Variants in NRXN1 observed in about 807,000 individuals in gnomAD.
The protein encoded by NRXN1 is neurexin-1.
In NRXN1, 39 loss-of-function variants were observed where a neutral mutation model predicts 150.9. That is an observed-to-expected ratio of 0.26 (90% CI 0.20 to 0.34). The LOEUF (loss-of-function observed/expected upper bound fraction) is 0.34, where lower values mean the gene tolerates loss of function less well. Ranked by LOEUF, NRXN1 falls within the 10% of genes least tolerant of loss-of-function variation. NRXN1 has a pLI of 1.00. For synonymous variants in NRXN1, 924 were observed against 757.0 expected (o/e 1.22, Z -3.62); for missense variants, 1,815 against 1,949.9 (o/e 0.93, Z 1.30).
intron 8 of NRXN1, among the ~76,000 whole-genome samples, chr2:50,570,975 T>C (rs934835275): frequency 6.6e-6 from 1 of 152,162 alleles, no homozygotes; most frequent in Non-Finnish European, 1.5e-5. Context: ...ACTCAGTTAC[T>C]AGATTCAGCT....
intron 18 of NRXN1, among the ~76,000 whole-genome samples, chr2:50,217,366 TG>T (rs1352776496): frequency 6.6e-6 from 1 of 152,074 alleles, no homozygotes; most frequent in Non-Finnish European, 1.5e-5. Context: ...ATATAAAGCA[TG>T]ACCCCATATA....
intron 2 of NRXN1, among the ~76,000 whole-genome samples, chr2:50,974,478 T>C (rs1438228214): frequency 6.6e-6 from 1 of 152,100 alleles, no homozygotes; most frequent in Non-Finnish European, 1.5e-5. Context: ...AAAACACAGA[T>C]ATACTTGAGG....
chr2:50,934,926 T>C (rs957723428), intron 2 of NRXN1, among the ~76,000 whole-genome samples: 1 of 152,180 alleles, frequency 6.6e-6, no homozygotes. Flanking sequence ...CATAAGTCTT[T>C]TCCTTTAGAC....
At chr2:50,953,087 T>C (rs116140871) in intron 2 of NRXN1, among the ~76,000 whole-genome samples, 7,905 of 152,242 alleles carry the variant, frequency 0.052, 278 homozygotes, top group Admixed American at 0.076. Context: ...ATGGGAGATT[T>C]AAGAAGTAGA....
intron 5 of NRXN1, among the ~76,000 whole-genome samples, chr2:50,868,548 A>G (rs1470485979): frequency 6.6e-6 from 1 of 151,722 alleles, no homozygotes. Flanking sequence ...TGTTCCTTAA[A>G]TTGATACAAA....
intron 2 of NRXN1, among the ~76,000 whole-genome samples, chr2:51,000,362 C>G (rs887587117): frequency 6.6e-6 from 1 of 151,996 alleles, no homozygotes; most frequent in Non-Finnish European, 1.5e-5. Context: ...CTATTGATTT[C>G]TTTATTATCT....
chr2:50,400,020 C>T (rs769859659), intron 17 of NRXN1, among the ~76,000 whole-genome samples: 4 of 151,680 alleles, frequency 2.6e-5, no homozygotes, highest in Non-Finnish European at 4.4e-5. Context: ...GTCAGGTAGA[C>T]GAGTACAATT....
At chr2:50,625,626 G>C (rs1680882861) in intron 5 of NRXN1, among the ~76,000 whole-genome samples, 1 of 151,964 alleles carries the variant, frequency 6.6e-6, no homozygotes, top group Non-Finnish European at 1.5e-5. Flanking sequence ...TTCAATATTG[G>C]GCACAAGTAC....
At chr2:50,630,855 C>CA (rs1326749404) in intron 5 of NRXN1, among the ~76,000 whole-genome samples, 1 of 151,550 alleles carries the variant, frequency 6.6e-6, no homozygotes, top group Non-Finnish European at 1.5e-5. Flanking sequence ...AATATTGTGC[C>CA]AAAAACATCC....
intron 17 of NRXN1, among the ~76,000 whole-genome samples, chr2:50,445,662 C>A (rs531570135): frequency 2.6e-5 from 4 of 152,126 alleles, no homozygotes; most frequent in Non-Finnish European, 4.4e-5. Flanking sequence ...ATACTCTGCA[C>A]GAGGAAATAA....
At chr2:50,869,090 C>G (rs1677382622) in intron 5 of NRXN1, among the ~76,000 whole-genome samples, 1 of 151,738 alleles carries the variant, frequency 6.6e-6, no homozygotes, top group Admixed American at 6.6e-5. Flanking sequence ...ATTGTGTTTT[C>G]TCCCTTTTTT....
chr2:50,347,919 T>G lies in NRXN1; in HGVS notation c.3365-110949A>C. On this transcript the variant is annotated intron_variant, in intron 17 of 22. Coordinates refer to ENST00000401669, the MANE Select transcript of NRXN1 (RefSeq NM_001330078.2). The surrounding 1 kb of genome is among the most constrained non-coding windows in gnomAD (Gnocchi z 4.9). ...AAAATCGCCCTGCTTTGCCTCTCCCTTGCATTCTCCACGCATCAAAGGGAC... is the reference window on the plus strand; with the variant it reads ...AAAATCGCCCTGCTTTGCCTCTCCCGTGCATTCTCCACGCATCAAAGGGAC... 1 of 831,048 alleles carries G rather than the reference T, an allele frequency of 1.2e-6. No homozygotes were observed. The highest frequency in any genetic ancestry group is 1.5e-6 in the Non-Finnish European group (1 of 689,272). 51.5% of individuals were successfully genotyped at this position (831,048 alleles called of 1,614,324 possible).
At chr2:50,923,700 A>G (rs528787664) in intron 3 of NRXN1, among the ~76,000 whole-genome samples, 106 of 151,964 alleles carry the variant, frequency 7.0e-4, no homozygotes, top group African/African-American at 2.5e-3. Context: ...TGTTAGAGAA[A>G]TACACATTTA....
At chr2:50,266,080 C>T (rs1229183977) in intron 17 of NRXN1, among the ~76,000 whole-genome samples, 1 of 148,880 alleles carries the variant, frequency 6.7e-6, no homozygotes, top group East Asian at 2.0e-4. Flanking sequence ...CTCACTGCAA[C>T]TTCTGCCTCC....
chr2:50,787,745 C>CTTTAGTTT (rs1705337163), intron 5 of NRXN1, among the ~76,000 whole-genome samples: 2 of 151,456 alleles, frequency 1.3e-5, no homozygotes, highest in African/African-American at 4.8e-5. Context: ...TTTATAACAA[C>CTTTAGTTT]CCTGAAAAGA....
intron 18 of NRXN1, among the ~76,000 whole-genome samples, chr2:50,229,908 G>A (rs2064776776): frequency 6.6e-6 from 1 of 152,028 alleles, no homozygotes. Flanking sequence ...TGACAGCTTG[G>A]CATAAGAAAC....
chr2:50,444,134 G>T (rs900751865), intron 17 of NRXN1, among the ~76,000 whole-genome samples: 10 of 152,066 alleles, frequency 6.6e-5, no homozygotes, highest in Non-Finnish European at 1.3e-4. Context: ...GCACAATCAA[G>T]GCATGCAATG....
At chr2:50,078,990 A>G (rs1697507165) in intron 19 of NRXN1, among the ~76,000 whole-genome samples, 1 of 152,096 alleles carries the variant, frequency 6.6e-6, no homozygotes, top group Non-Finnish European at 1.5e-5. Flanking sequence ...TTGGGATTCT[A>G]ACGATGAATT....
At chr2:50,323,583 A>G (rs1213711526) in intron 17 of NRXN1, among the ~76,000 whole-genome samples, 1 of 151,144 alleles carries the variant, frequency 6.6e-6, no homozygotes, top group East Asian at 1.9e-4. Flanking sequence ...ATATATATAT[A>G]TATATATATA....
Sources: allele counts gnomAD v4.1 joint callset (sites outside exome capture counted in the v4.1 genomes callset), GRCh38; gene constraint gnomAD v4.1.1; non-coding constraint Gnocchi (gnomAD v3.1); transcripts MANE v1.5; gene names NCBI Gene and HGNC (gene_info 2026-07-23, HGNC 2026-07-21).